The following FER variants were observed in gnomAD, a reference collection of about 807,000 sequenced individuals.
FER encodes FER tyrosine kinase.
FER carries 63 observed loss-of-function variants against 111.0 expected under a neutral mutation model. The observed-to-expected ratio is 0.57, with a 90% confidence interval of 0.46 to 0.70. The LOEUF (loss-of-function observed/expected upper bound fraction) is 0.70, where lower values mean the gene tolerates loss of function less well. Ranked by LOEUF, FER falls within the 30% of genes least tolerant of loss-of-function variation. FER has a pLI of 0.00. For missense variants in FER, 914 were observed against 954.0 expected (o/e 0.96, Z 0.55); for synonymous variants, 327 against 313.9 (o/e 1.04, Z -0.44).
At chr5:109,109,383 T>G (rs1749328519) in intron 17 of FER, among the ~76,000 whole-genome samples, 1 of 152,156 alleles carries the variant, frequency 6.6e-6, no homozygotes, top group Non-Finnish European at 1.5e-5. Context: ...TTTTTATTGC[T>G]TATCTCCCCC....
intron 17 of FER, among the ~76,000 whole-genome samples, chr5:109,147,334 G>A (rs201512268): frequency 6.6e-6 from 1 of 151,410 alleles, no homozygotes; most frequent in African/African-American, 2.4e-5. Context: ...CGGCAGTGGG[G>A]GTGTAAATTG....
In FER at chr5:108,815,871, G is replaced by A. The variant is rs140199577; in HGVS notation, c.208-16899G>A. Among the ~76,000 whole-genome samples the A allele has an allele frequency of 4.0e-3, 609 of 152,190 alleles. 4 individuals carry two copies. The highest frequency in any genetic ancestry group is 0.014 in the African/African-American group (590 of 41,516). On this transcript the variant is annotated intron_variant, in intron 3 of 19. Transcript: ENST00000281092. ...GGTTTCAACTATATATATTTTTAAA[G>A]CAGTAATTTTTAAGCCTGGCTATAG...
chr5:109,042,681 A>G (rs1771346097), intron 14 of FER, among the ~76,000 whole-genome samples: 1 of 152,202 alleles, frequency 6.6e-6, no homozygotes. Context: ...CAGGGACAGG[A>G]AAATCAATTT....
chr5:108,894,242 TAAAC>T (rs757642798), intron 9 of FER: 30 of 338,576 alleles, frequency 8.9e-5, no homozygotes, highest in African/African-American at 3.5e-4. Context: ...CGATCATTAG[TAAAC>T]AAACAAACAA....
intron 13 of FER, among the ~76,000 whole-genome samples, chr5:108,986,640 A>T (rs1252026754): frequency 6.6e-6 from 1 of 152,138 alleles, no homozygotes; most frequent in East Asian, 1.9e-4. Flanking sequence ...AGAAATGAGG[A>T]TCCAATTTCA....
chr5:109,081,523 C>A (rs1003942767), intron 16 of FER, among the ~76,000 whole-genome samples: 1 of 151,834 alleles, frequency 6.6e-6, no homozygotes, highest in Non-Finnish European at 1.5e-5. Flanking sequence ...TAGAAAATCT[C>A]CAAATAAGGC....
chr5:108,973,272 T>C (rs1489607725), intron 13 of FER, among the ~76,000 whole-genome samples: 2 of 152,190 alleles, frequency 1.3e-5, no homozygotes, highest in African/African-American at 4.8e-5. Context: ...TGCTACCTTG[T>C]CCTTCAAGGG....
At chr5:109,180,682 C>A in intron 17 of FER, 65 bp from the exon 18 acceptor site, 1 of 1,512,392 alleles carries the variant, frequency 6.6e-7, no homozygotes, top group Non-Finnish European at 8.9e-7. Context: ...GTGTGGAAAT[C>A]ATAAATGTGA....
chr5:108,777,278 A>ATTTT (rs904591890), intron 2 of FER, among the ~76,000 whole-genome samples: 1 of 152,170 alleles, frequency 6.6e-6, no homozygotes. Context: ...ATGTAATAGA[A>ATTTT]TTTTTTTAGA....
chr5:109,143,543 CT>C (rs1753744154), intron 17 of FER, among the ~76,000 whole-genome samples: 1 of 151,998 alleles, frequency 6.6e-6, no homozygotes, highest in African/African-American at 2.4e-5. Flanking sequence ...ACATCACTTC[CT>C]CAGAGGCCTT....
intron 6 of FER, among the ~76,000 whole-genome samples, chr5:108,869,128 G>A (rs551644890): frequency 6.6e-6 from 1 of 152,144 alleles, no homozygotes; most frequent in Non-Finnish European, 1.5e-5. Flanking sequence ...AACTGTTAAA[G>A]GTAAAATGAT....
At chr5:108,940,354 C>A (rs1252073250) in intron 10 of FER, among the ~76,000 whole-genome samples, 1 of 151,954 alleles carries the variant, frequency 6.6e-6, no homozygotes, top group Non-Finnish European at 1.5e-5. Flanking sequence ...AAATTACTGG[C>A]CTTAATGAAA....
intron 3 of FER, among the ~76,000 whole-genome samples, chr5:108,830,449 A>G (rs1759921829): frequency 6.6e-6 from 1 of 152,206 alleles, no homozygotes; most frequent in South Asian, 2.1e-4. Context: ...GCAAGACTCC[A>G]TCTCAACACA....
At chr5:108,894,486 T>C (rs1748729605) in intron 9 of FER, 1 of 395,220 alleles carries the variant, frequency 2.5e-6, no homozygotes, top group Admixed American at 2.9e-5. Flanking sequence ...AGGATATTTC[T>C]CAGAGTCTAT....
chr5:108,893,625 A>G (rs755573293), intron 9 of FER, among the ~76,000 whole-genome samples: 15 of 152,130 alleles, frequency 9.9e-5, no homozygotes, highest in Non-Finnish European at 2.1e-4. Context: ...TCCCACAGAC[A>G]GCATGTTCAG....
At chr5:109,001,598 A>C (rs977273517) in intron 13 of FER, among the ~76,000 whole-genome samples, 2 of 151,958 alleles carry the variant, frequency 1.3e-5, no homozygotes, top group African/African-American at 4.8e-5. Context: ...CTCTCTCACC[A>C]CTCCTATTCA....
chr5:108,801,461 T>G (rs971397077), intron 3 of FER, among the ~76,000 whole-genome samples: 1 of 152,218 alleles, frequency 6.6e-6, no homozygotes, highest in African/African-American at 2.4e-5. Flanking sequence ...GGAGATATGT[T>G]CTAATATCCC....
At chr5:108,896,967 A>T (rs545493317) in intron 9 of FER, among the ~76,000 whole-genome samples, 10 of 152,264 alleles carry the variant, frequency 6.6e-5, no homozygotes, top group African/African-American at 2.4e-4. Context: ...ACGTGGCTTC[A>T]ATGTGGGTGA....
chr5:109,178,732 A>G (rs1252759466), intron 17 of FER, among the ~76,000 whole-genome samples: 5 of 152,254 alleles, frequency 3.3e-5, no homozygotes, highest in Non-Finnish European at 2.9e-5. Context: ...ATCTGAAATC[A>G]GGTTAGGTAA....
Sources: gnomAD v4.1 joint callset for allele counts (sites outside exome capture counted in the v4.1 genomes callset) on GRCh38, gnomAD v4.1.1 for gene constraint, MANE v1.5 for transcripts, NCBI Gene and HGNC (gene_info 2026-07-23, HGNC 2026-07-21) for gene names.